Variants in SGCZ observed in about 807,000 individuals in gnomAD.
The protein encoded by SGCZ is sarcoglycan zeta, also known as zeta-sarcoglycan.
In SGCZ, 40 loss-of-function variants were observed where a neutral mutation model predicts 41.3. The observed-to-expected ratio is 0.97, with a 90% CI of 0.75 to 1.26. SGCZ has a LOEUF of 1.26. Ranked by LOEUF, SGCZ falls within the 50% of genes most tolerant of loss-of-function variation. The probability of loss-of-function intolerance (pLI) is 0.00; values close to 1 mark genes in which losing one functional copy is unlikely to be tolerated. For missense variants in SGCZ, 552 were observed against 369.8 expected, an observed-to-expected ratio of 1.49 and a Z score of -4.04; for synonymous variants, 206 against 137.5, an observed-to-expected ratio of 1.50 and a Z score of -3.49.
intron 1 of SGCZ, among the ~76,000 whole-genome samples, chr8:15,232,962 T>C (rs1193739997): frequency 6.6e-6 from 1 of 151,550 alleles, no homozygotes; most frequent in Non-Finnish European, 1.5e-5. Context: ...ATGTATACAG[T>C]TGTAGTTTAT....
intron 1 of SGCZ, among the ~76,000 whole-genome samples, chr8:14,580,148 C>T (rs576686585): frequency 6.6e-6 from 1 of 152,246 alleles, no homozygotes; most frequent in South Asian, 2.1e-4. Flanking sequence ...CAGAATTGCT[C>T]AGTTAGGTTA....
At position 14,752,214 on chromosome 8, in the gene SGCZ, C is replaced by T. The variant is rs189838109; in HGVS notation, c.40-197288G>A. Among the ~76,000 whole-genome samples the T allele has an allele frequency of 1.0e-3, 154 of 148,456 alleles. 1 individual carries two copies. Among genetic ancestry groups the T allele is most frequent in the Middle Eastern group, 3.5e-3 (1 of 284 alleles). ...CATTAAATCTCCTTTACTATTTAAA[C>T]TGGTTTTCGCAGGGTTTTCTCTTAT... On this transcript the variant is annotated intron_variant, in intron 1 of 7. Coordinates refer to ENST00000382080, the MANE Select transcript of SGCZ (RefSeq NM_139167.4).
At chr8:14,616,383 T>C (rs1306667517) in intron 1 of SGCZ, among the ~76,000 whole-genome samples, 1 of 152,116 alleles carries the variant, frequency 6.6e-6, no homozygotes, top group African/African-American at 2.4e-5. Context: ...TAAAATTTTC[T>C]CTACTTTGGT....
chr8:14,484,157 A>T (rs1554524994), intron 2 of SGCZ, among the ~76,000 whole-genome samples: 4 of 152,158 alleles, frequency 2.6e-5, no homozygotes, highest in Non-Finnish European at 4.4e-5. Flanking sequence ...GTTATACACT[A>T]TATTTATTAA....
intron 1 of SGCZ, among the ~76,000 whole-genome samples, chr8:15,117,632 G>C (rs1259336464): frequency 1.3e-5 from 2 of 152,092 alleles, no homozygotes; most frequent in Non-Finnish European, 2.9e-5. Flanking sequence ...TGGTGGTTGT[G>C]AGGATCTTGG....
chr8:14,816,463 T>C (rs1294366426), intron 1 of SGCZ, among the ~76,000 whole-genome samples: 1 of 152,214 alleles, frequency 6.6e-6, no homozygotes, highest in African/African-American at 2.4e-5. Flanking sequence ...TCAGTAATTT[T>C]CCCTTATATG....
At chr8:14,960,520 G>A (rs1800929848) in intron 1 of SGCZ, among the ~76,000 whole-genome samples, 1 of 152,092 alleles carries the variant, frequency 6.6e-6, no homozygotes. Flanking sequence ...GCAAGCAGCT[G>A]AAGAACATAA....
At chr8:14,678,677 G>A (rs1433648144) in intron 1 of SGCZ, among the ~76,000 whole-genome samples, 2 of 152,152 alleles carry the variant, frequency 1.3e-5, no homozygotes, top group Non-Finnish European at 2.9e-5. Context: ...CAGCAATCGT[G>A]CTCCACGGTC....
intron 1 of SGCZ, among the ~76,000 whole-genome samples, chr8:14,850,639 G>C (rs1457925667): frequency 2.0e-5 from 3 of 152,146 alleles, no homozygotes; most frequent in Non-Finnish European, 4.4e-5. Flanking sequence ...TGGCTAACAT[G>C]TATGACATGG....
chr8:14,290,333 C>T (rs1372623913), intron 3 of SGCZ, among the ~76,000 whole-genome samples: 1 of 144,956 alleles, frequency 6.9e-6, no homozygotes, highest in African/African-American at 2.5e-5. Context: ...AAAATATAGA[C>T]ACATGAGGTT....
In SGCZ at chr8:14,088,563, A is replaced by G. The variant is rs1801596419; in HGVS notation, c.*1880T>C. 6.6e-6 allele frequency among the ~76,000 whole-genome samples: 1 copy of G among 151,858 alleles called. No homozygotes were observed. Among genetic ancestry groups the G allele is most frequent in the African/African-American group, 2.4e-5 (1 of 41,408 alleles). On this transcript the variant is annotated 3_prime_UTR_variant, in exon 8 of 8. Transcript: ENST00000382080. ...ATATTAAATTCTCTTATTTTAATAT[A>G]AATTAAACTCTTGTGTTATAACTTT...
At chr8:14,458,049 T>C (rs907149280) in intron 2 of SGCZ, among the ~76,000 whole-genome samples, 1 of 152,130 alleles carries the variant, frequency 6.6e-6, no homozygotes, top group Non-Finnish European at 1.5e-5. Flanking sequence ...TCAAACCTCC[T>C]TTCTTCTAAA....
chr8:14,894,886 T>C (rs1240167689), intron 1 of SGCZ, among the ~76,000 whole-genome samples: 1 of 152,104 alleles, frequency 6.6e-6, no homozygotes, highest in Non-Finnish European at 1.5e-5. Flanking sequence ...ACAATTCAAA[T>C]GCTACAGAAT....
chr8:14,513,814 T>A (rs1431967608), intron 2 of SGCZ, among the ~76,000 whole-genome samples: 1 of 152,108 alleles, frequency 6.6e-6, no homozygotes, highest in Non-Finnish European at 1.5e-5. Flanking sequence ...TATTTGAATC[T>A]TCCTCCCTCT....
At chr8:15,112,715 A>G (rs1807116925) in intron 1 of SGCZ, among the ~76,000 whole-genome samples, 1 of 152,174 alleles carries the variant, frequency 6.6e-6, no homozygotes, top group African/African-American at 2.4e-5. Flanking sequence ...CCACATCCTC[A>G]AGTGAGCTCT....
chr8:15,167,603 A>G (rs1490831202), intron 1 of SGCZ, among the ~76,000 whole-genome samples: 1 of 152,244 alleles, frequency 6.6e-6, no homozygotes, highest in East Asian at 1.9e-4. Flanking sequence ...TCTGCGCTTT[A>G]TGCAAATAAA....
chr8:14,679,568 T>C, intron 1 of SGCZ, among the ~76,000 whole-genome samples: 1 of 151,712 alleles, frequency 6.6e-6, no homozygotes, highest in Non-Finnish European at 1.5e-5. Context: ...TGTGCATCTA[T>C]ACAATGGTTT....
At chr8:14,896,246 A>G (rs1274447774) in intron 1 of SGCZ, among the ~76,000 whole-genome samples, 1 of 152,164 alleles carries the variant, frequency 6.6e-6, no homozygotes, top group East Asian at 1.9e-4. Context: ...GAAAGAGGAT[A>G]TGCTTTTTAG....
intron 2 of SGCZ, among the ~76,000 whole-genome samples, chr8:14,356,640 C>A (rs1803302798): frequency 6.6e-6 from 1 of 151,940 alleles, no homozygotes; most frequent in African/African-American, 2.4e-5. Flanking sequence ...AAATGAAAAT[C>A]TTTACCCATA....
Sources: allele counts gnomAD v4.1 joint callset (sites outside exome capture counted in the v4.1 genomes callset), GRCh38; gene constraint gnomAD v4.1.1; transcripts MANE v1.5; gene names NCBI Gene and HGNC (gene_info 2026-07-23, HGNC 2026-07-21).